The following PTPRO variants were observed in gnomAD, a reference collection of about 807,000 sequenced individuals.
The protein encoded by PTPRO is protein tyrosine phosphatase receptor type O.
PTPRO carries 62 observed loss-of-function variants against 145.2 expected under a neutral mutation model. That is an observed-to-expected ratio of 0.43 (90% CI 0.35 to 0.53). PTPRO has a LOEUF of 0.53. Among genes scored for constraint, PTPRO ranks in the 20% least tolerant of loss-of-function variants. The pLI is 0.01. For missense variants in PTPRO, 1,345 were observed against 1,482.7 expected, an observed-to-expected ratio of 0.91 and a Z score of 1.53; for synonymous variants, 565 against 514.7, an observed-to-expected ratio of 1.10 and a Z score of -1.32.
At chr12:15,569,598 A>G in intron 19 of PTPRO, 100 bp downstream of exon 19, 1 of 1,057,874 alleles carries the variant, frequency 9.5e-7, no homozygotes, top group South Asian at 1.3e-5. Context: ...GCAGTGCGTA[A>G]CAAAAAGGGT....
intron 1 of PTPRO, chr12:15,337,250 A>C (rs1207840084): frequency 6.6e-6 from 1 of 152,224 alleles, no homozygotes; most frequent in Non-Finnish European, 1.5e-5. Flanking sequence ...GAGTCACTCC[A>C]CAGGCACTTA....
Position 15,420,015 on chromosome 12 carries a change from C to T in PTPRO, c.76-63959C>T, listed in dbSNP as rs145851704. Among the ~76,000 whole-genome samples the T allele has an allele frequency of 0.013, 1,903 of 151,320 alleles. 140 individuals carry two copies. In the East Asian group the frequency reaches 0.18, roughly 15 times the overall value. ...ACAAAAAATTAGCTGGGCGCGGTGG[C>T]GGGCGCCCATAGTCCCAGCTACTCG... On this transcript the variant is annotated intron_variant, in intron 1 of 26. Coordinates refer to ENST00000281171, the MANE Select transcript of PTPRO (RefSeq NM_030667.3).
chr12:15,588,353 T>C (rs1473156301), intron 24 of PTPRO, among the ~76,000 whole-genome samples: 1 of 152,200 alleles, frequency 6.6e-6, no homozygotes, highest in Non-Finnish European at 1.5e-5. Context: ...AACTTTCTCT[T>C]TTCCCATCAT....
Position 15,501,828 on chromosome 12 carries a change from C to T in PTPRO, c.870C>T (p.Asp290=). ...GTTGGCCTGATTTTAATAGCAGTGA[C>T]TATGAAACTACGTCTCAGCCATATT... is the stretch of plus-strand genomic sequence containing the variant. ...SSGWPDFNSS[D]YETTSQPYWW... is the part of the protein sequence containing the mutation. Residue 290 remains aspartate, a synonymous_variant, in exon 5 of 27, where the codon GAC becomes GAT. Transcript: ENST00000281171. The T allele has an allele frequency of 6.2e-7, 1 of 1,614,094 alleles. No homozygotes were observed. The highest frequency in any genetic ancestry group is 1.1e-5 in the South Asian group (1 of 91,084).
At chr12:15,415,386 ATTTT>A (rs58919838) in intron 1 of PTPRO, among the ~76,000 whole-genome samples, 1 of 132,470 alleles carries the variant, frequency 7.5e-6, no homozygotes, top group Non-Finnish European at 1.7e-5. Flanking sequence ...GGTGAAATGA[ATTTT>A]TTTTTTTTTT....
rs886640764 is a variant in PTPRO, at chr12:15,417,352, A to T, written c.76-66622A>T. ...ATCAAGACAAATAAAAGTGAATACC[A>T]CACATACTACTTGTGAACTTTTAAT... On this transcript the variant is annotated intron_variant, in intron 1 of 26. Transcript: ENST00000281171. Among the ~76,000 whole-genome samples the T allele has an allele frequency of 7.2e-5, 11 of 151,992 alleles. No individual in the cohort carries two copies. In the South Asian group the frequency reaches 2.1e-3, roughly 29 times the overall value.
intron 12 of PTPRO, among the ~76,000 whole-genome samples, chr12:15,533,321 G>A (rs914075280): frequency 6.6e-6 from 1 of 152,058 alleles, no homozygotes; most frequent in African/African-American, 2.4e-5. Flanking sequence ...ATGGAATATT[G>A]TTTCTATCTT....
At chr12:15,532,346 C>A (rs865883242) in intron 12 of PTPRO, among the ~76,000 whole-genome samples, 7 of 152,022 alleles carry the variant, frequency 4.6e-5, no homozygotes, top group African/African-American at 1.7e-4. Context: ...TTTTTAAAAA[C>A]TTTCAATATT....
chr12:15,586,591 A>G (rs573680643), intron 23 of PTPRO, among the ~76,000 whole-genome samples: 3 of 152,232 alleles, frequency 2.0e-5, no homozygotes, highest in Non-Finnish European at 4.4e-5. Context: ...TGTTTAATTC[A>G]TTAGCCAAAA....
At chr12:15,523,983 G>A (rs1334546047) in intron 10 of PTPRO, among the ~76,000 whole-genome samples, 1 of 151,558 alleles carries the variant, frequency 6.6e-6, no homozygotes, top group Non-Finnish European at 1.5e-5. Context: ...TTTTTTTGTA[G>A]AGATGGGGTT....
At chr12:15,391,203 G>T (rs534784921) in intron 1 of PTPRO, among the ~76,000 whole-genome samples, 1 of 152,248 alleles carries the variant, frequency 6.6e-6, no homozygotes, top group Admixed American at 6.5e-5. Flanking sequence ...GATCCAAAAT[G>T]CCTTTTATAA....
chr12:15,509,602 C>T lies in PTPRO; in HGVS notation c.1464+835C>T, dbSNP rs1343156212. 1.2e-4 allele frequency among the ~76,000 whole-genome samples: 18 copies of T among 147,852 alleles called. No homozygotes were observed. The East Asian group carries it at 3.5e-3, about 29-fold the overall frequency. The stretch of plus-strand genomic sequence containing the variant: ...ATCCCAGCTACTCGGGAAGCTGAGG[C>T]AAGAGAATCACTTGAACCCGGGAGG... On this transcript the variant is annotated intron_variant, in intron 7 of 26. Transcript: ENST00000281171.
intron 1 of PTPRO, among the ~76,000 whole-genome samples, chr12:15,434,481 A>G (rs1940541517): frequency 1.3e-5 from 2 of 152,200 alleles, no homozygotes; most frequent in South Asian, 4.1e-4. Context: ...TTCCTGGAAA[A>G]GGGGAAAATT....
intron 1 of PTPRO, among the ~76,000 whole-genome samples, chr12:15,443,219 G>A (rs1406918504): frequency 6.6e-6 from 1 of 152,018 alleles, no homozygotes; most frequent in African/African-American, 2.4e-5. Flanking sequence ...TGACAAAGTT[G>A]ACAAAAATAA....
intron 9 of PTPRO, among the ~76,000 whole-genome samples, chr12:15,518,206 C>A (rs1942639979): frequency 1.3e-5 from 2 of 151,894 alleles, no homozygotes; most frequent in African/African-American, 4.8e-5. Flanking sequence ...GGGCTTGCAC[C>A]CTCTGAAGCC....
chr12:15,472,038 G>T (rs754194063), intron 1 of PTPRO, among the ~76,000 whole-genome samples: 5 of 152,210 alleles, frequency 3.3e-5, no homozygotes, highest in Non-Finnish European at 5.9e-5. Context: ...GGCCATAAGT[G>T]CTATGTAAGC....
intron 25 of PTPRO, among the ~76,000 whole-genome samples, chr12:15,590,266 G>T (rs933746977): frequency 6.6e-6 from 1 of 152,126 alleles, no homozygotes; most frequent in South Asian, 2.1e-4. Flanking sequence ...CCAAGGCAAC[G>T]CCGGCAGACA....
intron 1 of PTPRO, among the ~76,000 whole-genome samples, chr12:15,367,584 T>C (rs1241361759): frequency 6.6e-6 from 1 of 152,198 alleles, no homozygotes; most frequent in Non-Finnish European, 1.5e-5. Flanking sequence ...TACAACTGTA[T>C]ACTTATGTTC....
intron 1 of PTPRO, among the ~76,000 whole-genome samples, chr12:15,441,897 G>T (rs7975593): frequency 0.086 from 13,074 of 152,002 alleles, 1,600 homozygotes; most frequent in African/African-American, 0.27. Context: ...CCAGACAAGA[G>T]GGATTTACAG....
Sources: allele counts gnomAD v4.1 joint callset (sites outside exome capture counted in the v4.1 genomes callset), GRCh38; gene constraint gnomAD v4.1.1; transcripts MANE v1.5; gene names NCBI Gene and HGNC (gene_info 2026-07-23, HGNC 2026-07-21).